The following KHDC4 variants were observed in gnomAD, a reference collection of about 807,000 sequenced individuals.
The protein encoded by KHDC4 is KH domain containing 4, pre-mRNA splicing factor, also known as KH homology domain-containing protein 4.
KHDC4 carries 19 observed loss-of-function variants against 74.5 expected under a neutral mutation model. The observed-to-expected ratio is 0.26, with a 90% CI of 0.18 to 0.37. The LOEUF (loss-of-function observed/expected upper bound fraction) is 0.37, where lower values mean the gene tolerates loss of function less well. Ranked by LOEUF, KHDC4 falls within the 10% of genes least tolerant of loss-of-function variation. The probability of loss-of-function intolerance (pLI) is 1.00; values close to 1 mark genes in which losing one functional copy is unlikely to be tolerated. For synonymous variants in KHDC4, 253 were observed against 266.1 expected (o/e 0.95, Z 0.48); for missense variants, 632 against 754.1 (o/e 0.84, Z 1.90).
chr1:155,916,526 C>CGTTTCAA, intron 12 of KHDC4, 99 bp downstream of exon 12: 1 of 784,088 alleles, frequency 1.3e-6, no homozygotes, highest in Non-Finnish European at 2.1e-6. Flanking sequence ...GATTTCATTT[C>CGTTTCAA]AGTTTCAGAA....
Position 155,914,216 on chromosome 1 carries a change from C to G in KHDC4, c.1750G>C (p.Ala584Pro), listed in dbSNP as rs1287013283. The G allele has an allele frequency of 5.6e-6, 9 of 1,614,084 alleles. No homozygotes were observed. The highest frequency in any genetic ancestry group is 7.6e-6 in the Non-Finnish European group (9 of 1,179,972). The change falls in exon 14 of 14, where the codon GCA (alanine) becomes CCA (proline). Residue 584 changes from alanine (A) to proline (P), a missense_variant. Around this residue, in one of 4 missense-constraint regions of KHDC4, gnomAD observed 41 missense variants for 66.0 expected, o/e 0.62. Coordinates refer to ENST00000368321, the MANE Select transcript of KHDC4 (RefSeq NM_014949.4). ...CTCCAGCCCTGTGGAAAACTACTTG[C>G]ATTTTTATGACCTCCATGTTCCTCC... ...EEEEHGGHKNASSFPQGWSLG... is the reference protein window; with the variant it reads ...EEEEHGGHKNPSSFPQGWSLG...
intron 6 of KHDC4, chr1:155,926,090 C>T (rs780054101): frequency 4.4e-6 from 3 of 683,422 alleles, no homozygotes; most frequent in South Asian, 2.7e-5. Context: ...CTCCAGTTGT[C>T]ATCAAGTTTA....
In KHDC4 at chr1:155,921,452, C is replaced by A. The variant is rs777660143; in HGVS notation, c.1189G>T (p.Ala397Ser). 4 of 1,614,044 alleles carry A rather than the reference C, an allele frequency of 2.5e-6. No individual in the cohort carries two copies. Among genetic ancestry groups the A allele is most frequent in the Non-Finnish European group, 1.7e-6 (2 of 1,179,996 alleles). ...ACAGGTGGGACTCCAGTAGGTAATG[C>A]CGGCAAGACTCCAGGTGCTAATGAA... ...AVSLAPGVLP[A>S]LPTGVPPVPT... Residue 397 changes from alanine (A) to serine (S), a missense_variant, in exon 10 of 14, where the codon GCA becomes TCA. By Grantham distance (99) the Ala-to-Ser change is moderately conservative. Transcript: ENST00000368321.
intron 7 of KHDC4, 94 bp from the exon 8 acceptor site, chr1:155,923,781 A>C: frequency 1.1e-6 from 1 of 882,942 alleles, no homozygotes; most frequent in South Asian, 1.4e-5. Flanking sequence ...ACATATCTAC[A>C]TTAATACATT....
chr1:155,922,532 C>T (rs1467316340), intron 8 of KHDC4, among the ~76,000 whole-genome samples: 1 of 152,156 alleles, frequency 6.6e-6, no homozygotes, highest in Non-Finnish European at 1.5e-5. Context: ...CTAAACCATA[C>T]TCAATTCTGG....
At chr1:155,915,995 A>G (rs1244222559) in intron 12 of KHDC4, 31 bp from the exon 13 acceptor site, 1 of 1,409,588 alleles carries the variant, frequency 7.1e-7, no homozygotes, top group Non-Finnish European at 9.8e-7. Context: ...ACTTTCTTTC[A>G]GACAATTTAA....
chr1:155,922,062 C>T (rs1219294648), intron 8 of KHDC4, 144 bp from the exon 9 acceptor site: 10 of 529,736 alleles, frequency 1.9e-5, no homozygotes, highest in South Asian at 7.3e-5. Context: ...CTTGTTTAAC[C>T]CACATTTTTT....
At chr1:155,928,435 T>TA (rs1674069170) in intron 4 of KHDC4, among the ~76,000 whole-genome samples, 2 of 152,072 alleles carry the variant, frequency 1.3e-5, no homozygotes, top group Admixed American at 1.3e-4. Context: ...TTTGCCACCT[T>TA]ATTTTGTGTA....
chr1:155,921,051 G>A (rs754159980), intron 10 of KHDC4, among the ~76,000 whole-genome samples: 4 of 152,166 alleles, frequency 2.6e-5, no homozygotes, highest in Non-Finnish European at 4.4e-5. Flanking sequence ...TACAACCACC[G>A]AGTGTGATAG....
intron 13 of KHDC4, chr1:155,915,127 T>C (rs1158067968): frequency 7.3e-6 from 1 of 137,764 alleles, no homozygotes; most frequent in Non-Finnish European, 1.6e-5. Context: ...TCTTTCTCTT[T>C]CTTTTTTTTT....
rs201266630 is a variant in KHDC4 at position 155,921,507 on chromosome 1, G to A, written c.1134C>T (p.Tyr378=). The stretch of plus-strand genomic sequence containing the variant: ...CTGGTGGCACTATGCTTGGTACTCC[G>A]TAGGGAGGTTGAACTGGCTGCTGAG... The part of the protein sequence containing the change: ...PPPQQPVQPP[Y]GVPSIVPPAV... Residue 378 remains tyrosine (Y), a synonymous_variant, in exon 10 of 14, where the codon TAC becomes TAT. Transcript: ENST00000368321. 1.7e-5 allele frequency: 27 copies of A among 1,613,988 alleles called. No homozygotes were observed. Among genetic ancestry groups the A allele is most frequent in the Admixed American group, 5.0e-5 (3 of 59,990 alleles).
intron 10 of KHDC4, among the ~76,000 whole-genome samples, chr1:155,921,075 T>TGTATGGC (rs1199614129): frequency 2.6e-5 from 4 of 152,210 alleles, no homozygotes; most frequent in Admixed American, 2.6e-4. Context: ...TGACAGAGAA[T>TGTATGGC]GTATGGCCCT....
intron 8 of KHDC4, among the ~76,000 whole-genome samples, chr1:155,922,581 C>T (rs560255769): frequency 2.0e-5 from 3 of 152,180 alleles, no homozygotes; most frequent in Non-Finnish European, 4.4e-5. Context: ...AATTAAGTAA[C>T]TAGGAAATTT....
intron 5 of KHDC4, 65 bp downstream of exon 5, chr1:155,927,039 G>A: frequency 1.3e-6 from 2 of 1,487,122 alleles, no homozygotes; most frequent in Non-Finnish European, 1.9e-6. Flanking sequence ...TTGCCAACTT[G>A]CTATACAGAG....
At position 155,917,658 on chromosome 1, in the gene KHDC4, A is replaced by G. The variant is rs1030567104; in HGVS notation, c.1281T>C (p.Gly427=). 1 of 1,564,066 alleles carries G rather than the reference A, an allele frequency of 6.4e-7. No homozygotes were observed. Among genetic ancestry groups the G allele is most frequent in the African/African-American group, 1.4e-5 (1 of 73,066 alleles). The change falls in exon 11 of 14, where the codon GGT becomes GGC. Residue 427 remains glycine, a synonymous_variant. Transcript: ENST00000368321. Reference sequence around the variant, plus strand: ...TGACAGGAGCAGCAGGAATAAAAGGACCACCCATCGGACTCTGGGACCAAA... The same window carrying G: ...TGACAGGAGCAGCAGGAATAAAAGGGCCACCCATCGGACTCTGGGACCAAA... ...PASTGQSPMG[G]PFIPAAPVKT... is the part of the protein sequence containing the mutation.
At position 155,913,858 on chromosome 1, in the gene KHDC4, G is replaced by A. The variant is rs573749474; in HGVS notation, c.*263C>T. 2.1e-6 allele frequency: 1 copy of A among 467,122 alleles called. No individual in the cohort carries two copies. Among genetic ancestry groups the A allele is most frequent in the South Asian group, 2.6e-5 (1 of 39,202 alleles). 28.9% of individuals were successfully genotyped at this position (467,122 alleles called of 1,614,324 possible). On this transcript the variant is annotated 3_prime_UTR_variant, in exon 14 of 14. Transcript: ENST00000368321. ...ACGACCCTGTTAGGATGCTTTGTTG[G>A]ACAAGCACATTTCACCAACTGTTAA...
intron 10 of KHDC4, among the ~76,000 whole-genome samples, chr1:155,918,471 G>A (rs1042884569): frequency 6.6e-6 from 1 of 152,112 alleles, no homozygotes; most frequent in African/African-American, 2.4e-5. Flanking sequence ...GAGCCACTAC[G>A]CTGAGTGGGA....
In KHDC4 at chr1:155,927,093, A is replaced by C. The variant is rs542277538; in HGVS notation, c.517+11T>G. The C allele has an allele frequency of 7.5e-5, 121 of 1,613,298 alleles. No homozygotes were observed. In the South Asian group the frequency reaches 1.3e-3, roughly 18 times the overall value. ...ACAAAAAGTGCTACGTGAGCCAAAAACATTACTTACTGTCCACTAATTCCC... is the reference window on the plus strand; with the variant it reads ...ACAAAAAGTGCTACGTGAGCCAAAACCATTACTTACTGTCCACTAATTCCC... On this transcript the variant is annotated intron_variant, in intron 5 of 13. Transcript: ENST00000368321.
rs1673674632 is a variant in KHDC4 at position 155,913,674 on chromosome 1, T to G, written c.*447A>C. On this transcript the variant is annotated 3_prime_UTR_variant, in exon 14 of 14. Coordinates refer to ENST00000368321, the MANE Select transcript of KHDC4 (RefSeq NM_014949.4). ...GAATTAAATACTGAAAAGGACGGTC[T>G]TAAAATCATTTCCCCACTAATAAAT... is the stretch of plus-strand genomic sequence containing the variant. The G allele has an allele frequency of 1.3e-5, 2 of 156,730 alleles. No homozygotes were observed. The highest frequency in any genetic ancestry group is 2.8e-5 in the Non-Finnish European group (2 of 70,776). The allele number at this position is 156,730 out of a possible 1,614,324, so 9.7% of individuals were successfully genotyped here.
Sources: allele counts gnomAD v4.1 joint callset (sites outside exome capture counted in the v4.1 genomes callset), GRCh38; gene constraint gnomAD v4.1.1; regional missense constraint gnomAD v4.1.1; transcripts MANE v1.5; gene names NCBI Gene and HGNC (gene_info 2026-07-23, HGNC 2026-07-21).